Variants in RPS6KC1 observed in about 807,000 individuals in gnomAD.
The protein encoded by RPS6KC1 is inactive ribosomal protein S6 kinase delta-1.
In RPS6KC1, 54 loss-of-function variants were observed where a neutral mutation model predicts 103.8. The ratio of observed to expected loss-of-function variants is 0.52; its 90% CI spans 0.42 to 0.65. The LOEUF is 0.65. Among genes scored for constraint, RPS6KC1 ranks in the 30% least tolerant of loss-of-function variants. The pLI is 0.00. For missense variants in RPS6KC1, 1,151 were observed against 1,253.8 expected, an observed-to-expected ratio of 0.92 and a Z score of 1.24; for synonymous variants, 439 against 438.7, an observed-to-expected ratio of 1.00 and a Z score of -0.01.
chr1:213,091,295 C>T (rs895446905), intron 3 of RPS6KC1, among the ~76,000 whole-genome samples: 10 of 151,854 alleles, frequency 6.6e-5, no homozygotes, highest in Admixed American at 2.6e-4. Flanking sequence ...CTCCTGACCT[C>T]GTGATCTGCC....
intron 3 of RPS6KC1, among the ~76,000 whole-genome samples, chr1:213,084,129 T>C (rs1470741617): frequency 6.6e-6 from 1 of 152,144 alleles, no homozygotes; most frequent in Non-Finnish European, 1.5e-5. Flanking sequence ...TCACTCTTTC[T>C]CCTTCCCTCT....
At chr1:213,683,784 T>C in the RPS6KC1 span, among the ~76,000 whole-genome samples, 1 of 152,106 alleles carries the variant, frequency 6.6e-6, no homozygotes. Context: ...ATTTCTTTGG[T>C]GGTGGGCAGG....
chr1:213,812,556 A>G, the RPS6KC1 span, among the ~76,000 whole-genome samples: 1 of 152,210 alleles, frequency 6.6e-6, no homozygotes, highest in African/African-American at 2.4e-5. Flanking sequence ...GGGATTGACA[A>G]TGCCGTTGTT....
the RPS6KC1 span, among the ~76,000 whole-genome samples, chr1:213,625,219 G>GAA: frequency 2.0e-5 from 3 of 151,676 alleles, no homozygotes; most frequent in Non-Finnish European, 4.4e-5. Context: ...AAAAGAAAAA[G>GAA]AAAAAAAAGC....
chr1:213,694,151 CTT>C, the RPS6KC1 span, among the ~76,000 whole-genome samples: 3 of 152,238 alleles, frequency 2.0e-5, no homozygotes, highest in Non-Finnish European at 4.4e-5. Context: ...TTGCCTCAAA[CTT>C]ATCTCCTGCT....
At chr1:213,345,037 G>A in the RPS6KC1 span, among the ~76,000 whole-genome samples, 1 of 152,144 alleles carries the variant, frequency 6.6e-6, no homozygotes, top group Non-Finnish European at 1.5e-5. Context: ...AGTTGTACAC[G>A]TTTAATGACA....
intron 6 of RPS6KC1, among the ~76,000 whole-genome samples, chr1:213,150,295 G>GTTAT (rs138250765): frequency 0.035 from 5,126 of 148,052 alleles, 108 homozygotes; most frequent in Admixed American, 0.051. Flanking sequence ...TACATTATAT[G>GTTAT]TTATTTATTT....
chr1:213,079,007 A>G (rs910507195), intron 3 of RPS6KC1, among the ~76,000 whole-genome samples: 1 of 152,180 alleles, frequency 6.6e-6, no homozygotes, highest in Non-Finnish European at 1.5e-5. Context: ...ATGTATAGAA[A>G]CCTCAAAAAT....
chr1:213,323,817 C>T, the RPS6KC1 span, among the ~76,000 whole-genome samples: 2 of 152,112 alleles, frequency 1.3e-5, no homozygotes, highest in Non-Finnish European at 2.9e-5. Context: ...TATCAATATC[C>T]CCCACCAGAG....
the RPS6KC1 span, among the ~76,000 whole-genome samples, chr1:213,827,742 G>T: frequency 6.6e-6 from 1 of 152,126 alleles, no homozygotes; most frequent in Non-Finnish European, 1.5e-5. Flanking sequence ...TCAGGGATGA[G>T]CCAGCTACAG....
the RPS6KC1 span, among the ~76,000 whole-genome samples, chr1:213,652,127 A>G: frequency 6.6e-6 from 1 of 152,236 alleles, no homozygotes; most frequent in Non-Finnish European, 1.5e-5. Context: ...ACTAATTAAT[A>G]TCTTTTTGTG....
At chr1:213,459,608 A>G in the RPS6KC1 span, among the ~76,000 whole-genome samples, 1 of 151,706 alleles carries the variant, frequency 6.6e-6, no homozygotes, top group Non-Finnish European at 1.5e-5. Context: ...CCCAGATCTT[A>G]GTTATTTCTT....
chr1:213,307,783 G>T, the RPS6KC1 span, among the ~76,000 whole-genome samples: 2 of 152,100 alleles, frequency 1.3e-5, no homozygotes, highest in Admixed American at 6.5e-5. Context: ...CAAGTGGAAT[G>T]GTACACTGCA....
intron 1 of RPS6KC1, among the ~76,000 whole-genome samples, chr1:213,055,192 C>G (rs1243400795): frequency 6.6e-6 from 1 of 152,128 alleles, no homozygotes; most frequent in East Asian, 1.9e-4. Context: ...TGCACAAGTT[C>G]CCTCATGTTC....
chr1:213,349,822 C>G, the RPS6KC1 span, among the ~76,000 whole-genome samples: 1 of 152,170 alleles, frequency 6.6e-6, no homozygotes, highest in Non-Finnish European at 1.5e-5. Flanking sequence ...AAGTGATGAT[C>G]AAACTTGACA....
the RPS6KC1 span, among the ~76,000 whole-genome samples, chr1:213,569,784 C>T: frequency 6.6e-6 from 1 of 152,100 alleles, no homozygotes; most frequent in African/African-American, 2.4e-5. Context: ...GCCATCATTC[C>T]CTCACTTAAT....
At chr1:213,559,230 C>T in the RPS6KC1 span, among the ~76,000 whole-genome samples, 9 of 152,160 alleles carry the variant, frequency 5.9e-5, no homozygotes, top group Non-Finnish European at 1.0e-4. Flanking sequence ...AATTAGTGAC[C>T]GAGCTTGGTC....
At chr1:213,764,700 A>G in the RPS6KC1 span, among the ~76,000 whole-genome samples, 1 of 152,158 alleles carries the variant, frequency 6.6e-6, no homozygotes, top group Non-Finnish European at 1.5e-5. Flanking sequence ...GCCTTGAAAA[A>G]GGCAACCCCA....
the RPS6KC1 span, among the ~76,000 whole-genome samples, chr1:213,654,760 T>G: frequency 1.3e-5 from 2 of 152,238 alleles, no homozygotes; most frequent in African/African-American, 4.8e-5. Flanking sequence ...CTCATTATCA[T>G]TTCTTAAATA....
Sources: allele counts gnomAD v4.1 joint callset (sites outside exome capture counted in the v4.1 genomes callset), GRCh38; gene constraint gnomAD v4.1.1; transcripts MANE v1.5; gene names NCBI Gene and HGNC (gene_info 2026-07-23, HGNC 2026-07-21).